Variants in SRGAP3 observed in about 807,000 individuals in gnomAD.
SRGAP3 encodes the protein SLIT-ROBO Rho GTPase activating protein 3, also known as SLIT-ROBO Rho GTPase-activating protein 3.
In SRGAP3, 39 loss-of-function variants were observed where a neutral mutation model predicts 121.1. The observed-to-expected ratio is 0.32, with a 90% CI of 0.25 to 0.42. SRGAP3 has a LOEUF of 0.42. Ranked by LOEUF, SRGAP3 falls within the 10% of genes least tolerant of loss-of-function variation. SRGAP3 has a pLI of 1.00. For missense variants in SRGAP3, 1,213 were observed against 1,470.6 expected, an observed-to-expected ratio of 0.82 and a Z score of 2.86; for synonymous variants, 601 against 570.0, an observed-to-expected ratio of 1.05 and a Z score of -0.77.
chr3:9,253,220 C>T (rs1276801711), upstream of SRGAP3, among the ~76,000 whole-genome samples: 1 of 152,174 alleles, frequency 6.6e-6, no homozygotes, highest in African/African-American at 2.4e-5. Context: ...TGGCTCATAG[C>T]GGAGCCCAAG....
chr3:9,146,201 T>C (rs1331521598), intron 1 of SRGAP3, among the ~76,000 whole-genome samples: 1 of 152,190 alleles, frequency 6.6e-6, no homozygotes, highest in Non-Finnish European at 1.5e-5. Flanking sequence ...ATTCCACGTG[T>C]TGACTGACAA....
chr3:9,041,021 G>C (rs1257985646), intron 10 of SRGAP3, among the ~76,000 whole-genome samples: 2 of 152,220 alleles, frequency 1.3e-5, no homozygotes, highest in Non-Finnish European at 2.9e-5. Flanking sequence ...AATATTTGTA[G>C]AATGAGTGAA....
At chr3:9,337,516 C>T (rs1575015332) in intron 1 of SRGAP3, 1 of 152,130 alleles carries the variant, frequency 6.6e-6, no homozygotes, top group Non-Finnish European at 1.5e-5. Flanking sequence ...AATGCTGTTA[C>T]TACTGGATTG....
intron 1 of SRGAP3, among the ~76,000 whole-genome samples, chr3:9,229,019 G>A (rs565854818): frequency 5.7e-5 from 8 of 139,748 alleles, no homozygotes; most frequent in South Asian, 2.3e-4. Context: ...CCGAGATTGC[G>A]CCACTGCAGT....
At chr3:9,052,899 G>T in intron 9 of SRGAP3, 128 bp downstream of exon 9, 3 of 1,113,406 alleles carry the variant, frequency 2.7e-6, no homozygotes, top group Non-Finnish European at 4.0e-6. Flanking sequence ...TTAAAAGCAT[G>T]GTGATGGAGT....
rs559449925 is a variant in SRGAP3, at chr3:9,298,973, A to C, written n.442+27037T>G. Among the ~76,000 whole-genome samples, 30 of 150,054 alleles carry C rather than the reference A, an allele frequency of 2.0e-4. No individual in the cohort carries two copies. The Admixed American group carries it at 2.0e-3, about 10-fold the overall frequency. ...AGGCTGAAGTGGGAGAATCGCTTGA[A>C]CCAGGGAGGCAGAAGTTGCAGTAAG... On this transcript the variant is annotated intron_variant and non_coding_transcript_variant, in intron 3 of 3. Coordinates refer to the SRGAP3 transcript ENST00000490889.
chr3:9,084,448 A>T (rs1947373179), intron 3 of SRGAP3, among the ~76,000 whole-genome samples: 1 of 152,338 alleles, frequency 6.6e-6, no homozygotes, highest in South Asian at 2.1e-4. Context: ...AAAGAAATGC[A>T]TGTAGCCCAG....
rs1219898780 is a variant in SRGAP3 at position 9,205,963 on chromosome 3, G to A, written c.67+42922C>T. On this transcript the variant is annotated intron_variant, in intron 1 of 21. Transcript: ENST00000383836. The stretch of plus-strand genomic sequence containing the variant: ...GACAGAAGTAGAATAGGAGTTGCTA[G>A]GGGGTTGGGGAGGAGAAGGGGAACT... 6.6e-4 allele frequency among the ~76,000 whole-genome samples: 101 copies of A among 152,136 alleles called. 2 individuals are homozygous for A. The highest frequency in any genetic ancestry group is 4.4e-5 in the Non-Finnish European group (3 of 68,012).
chr3:9,097,998 C>T (rs1948057839), intron 3 of SRGAP3, among the ~76,000 whole-genome samples: 1 of 152,176 alleles, frequency 6.6e-6, no homozygotes, highest in Non-Finnish European at 1.5e-5. Flanking sequence ...CACCGAAATA[C>T]AGTCTCAGAG....
At chr3:9,225,565 A>AGCAGC (rs1952958296) in intron 1 of SRGAP3, among the ~76,000 whole-genome samples, 1 of 152,196 alleles carries the variant, frequency 6.6e-6, no homozygotes, top group Non-Finnish European at 1.5e-5. Context: ...ACTTTTTAAA[A>AGCAGC]GCAGCTATAA....
intron 4 of SRGAP3, among the ~76,000 whole-genome samples, chr3:9,064,931 G>A (rs1173453309): frequency 1.3e-5 from 2 of 152,036 alleles, no homozygotes; most frequent in South Asian, 2.1e-4. Flanking sequence ...CAAGCATCTG[G>A]GGACTGTCAG....
intron 1 of SRGAP3, among the ~76,000 whole-genome samples, chr3:9,362,301 C>T (rs185832361): frequency 5.6e-4 from 83 of 147,652 alleles, no homozygotes; most frequent in Non-Finnish European, 1.1e-3. Flanking sequence ...GTAGCTAGGA[C>T]TACAGGTGCA....
At chr3:9,052,435 G>T (rs1252128162) in intron 9 of SRGAP3, among the ~76,000 whole-genome samples, 3 of 152,228 alleles carry the variant, frequency 2.0e-5, no homozygotes, top group African/African-American at 7.2e-5. Context: ...GGATGTGGCT[G>T]AACTGACTCA....
At chr3:9,115,005 T>C (rs2124947180) in intron 2 of SRGAP3, among the ~76,000 whole-genome samples, 1 of 152,312 alleles carries the variant, frequency 6.6e-6, no homozygotes, top group East Asian at 1.9e-4. Flanking sequence ...AGAAATTAAG[T>C]CATTTGCCCA....
At chr3:9,083,538 T>C (rs899864660) in intron 3 of SRGAP3, among the ~76,000 whole-genome samples, 2 of 152,226 alleles carry the variant, frequency 1.3e-5, no homozygotes, top group African/African-American at 4.8e-5. Context: ...AATTTTTCCA[T>C]CATGTAACTT....
chr3:9,012,429 A>AT lies in SRGAP3; in HGVS notation c.2147+878dup, dbSNP rs75832346. ...TTTCCTGTCTTCACCACATTTAAAG[A>AT]TTTTTTTCCTGTCTTCACATTTTAA... On this transcript the variant is annotated intron_variant, in intron 17 of 21. Transcript: ENST00000383836. 9.7e-4 allele frequency among the ~76,000 whole-genome samples: 148 copies of AT among 152,188 alleles called. No individual in the cohort carries two copies. The East Asian group carries it at 0.018, about 18-fold the overall frequency.
intron 18 of SRGAP3, among the ~76,000 whole-genome samples, chr3:9,002,029 A>G (rs1208029504): frequency 1.3e-5 from 2 of 152,198 alleles, no homozygotes; most frequent in Non-Finnish European, 2.9e-5. Context: ...CAAAGAGGAA[A>G]TAGAAGACTT....
intron 2 of SRGAP3, among the ~76,000 whole-genome samples, chr3:9,117,342 T>C (rs1353025643): frequency 6.6e-6 from 1 of 152,254 alleles, no homozygotes; most frequent in African/African-American, 2.4e-5. Flanking sequence ...AAAAATCCTG[T>C]GATGCTTTAT....
chr3:9,053,404 A>C (rs528677526), intron 8 of SRGAP3, among the ~76,000 whole-genome samples, 180 bp from the exon 9 acceptor site: 1 of 152,326 alleles, frequency 6.6e-6, no homozygotes, highest in East Asian at 1.9e-4. Context: ...ACCAACCCAA[A>C]ATCACACAGC....
Sources: gnomAD v4.1 joint callset for allele counts (sites outside exome capture counted in the v4.1 genomes callset) on GRCh38, gnomAD v4.1.1 for gene constraint, MANE v1.5 for transcripts, NCBI Gene and HGNC (gene_info 2026-07-23, HGNC 2026-07-21) for gene names.